HIVEP3: variants seen among roughly 807,000 people sequenced by gnomAD.
HIVEP3 encodes the protein HIVEP zinc finger 3.
A neutral mutation model predicts 152.8 loss-of-function variants in HIVEP3; 49 were observed. That is an observed-to-expected ratio of 0.32 (90% CI 0.26 to 0.41). HIVEP3 has a LOEUF of 0.41. Ranked by LOEUF, HIVEP3 falls within the 10% of genes least tolerant of loss-of-function variation. HIVEP3 has a pLI of 1.00. For missense variants in HIVEP3, 2,790 were observed against 3,103.3 expected (o/e 0.90, Z 2.40); for synonymous variants, 1,269 against 1,289.0 (o/e 0.98, Z 0.33).
intron 1 of HIVEP3, among the ~76,000 whole-genome samples, chr1:41,982,405 G>A (rs1048838839): frequency 1.3e-4 from 20 of 152,148 alleles, no homozygotes; most frequent in African/African-American, 3.6e-4. Context: ...CAGAATACAT[G>A]AGCGCAGCCC....
intron 1 of HIVEP3, among the ~76,000 whole-genome samples, chr1:41,956,282 A>G (rs1002901379): frequency 1.3e-5 from 2 of 152,210 alleles, no homozygotes; most frequent in African/African-American, 4.8e-5. Context: ...CACACTGGAG[A>G]TGGGGCTGTT....
intron 1 of HIVEP3, among the ~76,000 whole-genome samples, chr1:41,781,056 T>G (rs1184257740): frequency 6.6e-6 from 1 of 152,214 alleles, no homozygotes; most frequent in East Asian, 1.9e-4. Flanking sequence ...TAAAATCTCT[T>G]AAAACAAACA....
At chr1:41,555,589 G>A (rs544986285) in intron 5 of HIVEP3, among the ~76,000 whole-genome samples, 2 of 152,276 alleles carry the variant, frequency 1.3e-5, no homozygotes, top group South Asian at 4.1e-4. Context: ...GATCACGCTG[G>A]GAGCTGCAGA....
Position 41,580,895 on chromosome 1 carries a change from T to C in HIVEP3, c.3903A>G (p.Ser1301=), listed in dbSNP as rs551588556. The C allele has an allele frequency of 2.5e-6, 4 of 1,611,738 alleles. No individual in the cohort carries two copies. In the South Asian group the frequency reaches 4.4e-5, roughly 18 times the overall value. Residue 1301 remains serine (S), a synonymous_variant, in exon 4 of 9, where the codon TCA becomes TCG. Transcript: ENST00000372583. ...AGGCAGGCAGGGCCAGTGGAGGAGCTGATGTAGGTGCTGAGGAGCTGGCTG... is the reference window on the plus strand; with the variant it reads ...AGGCAGGCAGGGCCAGTGGAGGAGCCGATGTAGGTGCTGAGGAGCTGGCTG... ...APPASSSAPT[S]APPLALPACP...
intron 2 of HIVEP3, among the ~76,000 whole-genome samples, chr1:41,652,195 A>G (rs977180435): frequency 2.0e-5 from 3 of 152,234 alleles, no homozygotes; most frequent in Non-Finnish European, 4.4e-5. Flanking sequence ...TAGCTAAGCC[A>G]ACCACTTCAT....
intron 1 of HIVEP3, among the ~76,000 whole-genome samples, chr1:41,744,672 C>T (rs968951243): frequency 2.0e-5 from 3 of 152,166 alleles, no homozygotes; most frequent in Middle Eastern, 3.2e-3. Context: ...TGCGGCTAAG[C>T]GTGGTTTTAT....
chr1:41,814,009 C>T (rs1651116347), intron 1 of HIVEP3, among the ~76,000 whole-genome samples: 1 of 152,196 alleles, frequency 6.6e-6, no homozygotes, highest in Non-Finnish European at 1.5e-5. Context: ...TCTCAGCCTC[C>T]TCCCCACCCC....
chr1:41,815,675 T>A (rs1220220995), intron 1 of HIVEP3, among the ~76,000 whole-genome samples: 1 of 151,370 alleles, frequency 6.6e-6, no homozygotes, highest in East Asian at 1.9e-4. Flanking sequence ...TTTATCCTAG[T>A]GGCATGTGGA....
chr1:41,588,619 C>G (rs1644540343), intron 3 of HIVEP3, among the ~76,000 whole-genome samples: 1 of 152,086 alleles, frequency 6.6e-6, no homozygotes. Context: ...CAGTGTCCAG[C>G]CTGCACCTGT....
intron 5 of HIVEP3, among the ~76,000 whole-genome samples, chr1:41,532,055 G>A (rs1643275146): frequency 7.0e-6 from 1 of 142,194 alleles, no homozygotes; most frequent in South Asian, 2.4e-4. Context: ...AGGAGAGATG[G>A]AGGACAGGGG....
intron 1 of HIVEP3, among the ~76,000 whole-genome samples, chr1:41,996,131 C>T (rs1314389405): frequency 6.6e-6 from 1 of 152,010 alleles, no homozygotes; most frequent in Non-Finnish European, 1.5e-5. Context: ...CAGTGGCTCA[C>T]ACCTGTAATC....
chr1:41,817,237 G>A (rs992025472), intron 1 of HIVEP3, among the ~76,000 whole-genome samples: 2 of 152,114 alleles, frequency 1.3e-5, no homozygotes, highest in Non-Finnish European at 2.9e-5. Flanking sequence ...CACATTTTTC[G>A]GCCATGAGAA....
intron 1 of HIVEP3, among the ~76,000 whole-genome samples, chr1:41,805,671 G>C (rs1029217336): frequency 7.2e-5 from 11 of 152,234 alleles, no homozygotes; most frequent in East Asian, 3.9e-4. Context: ...ACGTGACCAA[G>C]AGCTGGAGTC....
intron 5 of HIVEP3, among the ~76,000 whole-genome samples, chr1:41,530,367 C>T (rs967021658): frequency 4.6e-5 from 7 of 152,198 alleles, no homozygotes; most frequent in Non-Finnish European, 8.8e-5. Flanking sequence ...GATGTGACAG[C>T]GGCTCACCCT....
chr1:41,840,415 A>C (rs1351945081), intron 1 of HIVEP3, among the ~76,000 whole-genome samples: 1 of 152,194 alleles, frequency 6.6e-6, no homozygotes, highest in East Asian at 1.9e-4. Context: ...AGCCAAGGTC[A>C]CTAAGGATTG....
intron 1 of HIVEP3, among the ~76,000 whole-genome samples, chr1:41,972,744 T>C (rs1645237408): frequency 6.6e-6 from 1 of 152,210 alleles, no homozygotes; most frequent in Non-Finnish European, 1.5e-5. Context: ...CCAAGCATTC[T>C]GGTTCTTGAC....
Position 41,583,534 on chromosome 1 carries a change from A to C in HIVEP3, c.1264T>G (p.Cys422Gly). The change falls in exon 4 of 9, where the codon TGT (cysteine) becomes GGT (glycine). Residue 422 changes from cysteine to glycine, a missense_variant. Coordinates refer to ENST00000372583, the MANE Select transcript of HIVEP3 (RefSeq NM_024503.5). The surrounding 1 kb of genome is among the most constrained non-coding windows in gnomAD (Gnocchi z 6.9). ...GCGGTCCGCTGTCCTATTCGCCCAC[A>C]CTTGCCAAAGATGATCTCAGCGTAG... Reference protein sequence around the residue: ...KSYAEIIFGKCGRIGQRTAML... With the variant: ...KSYAEIIFGKGGRIGQRTAML... 6.2e-7 allele frequency: 1 copy of C among 1,613,986 alleles called. No individual in the cohort carries two copies. Among genetic ancestry groups the C allele is most frequent in the Non-Finnish European group, 8.5e-7 (1 of 1,179,978 alleles).
intron 1 of HIVEP3, among the ~76,000 whole-genome samples, chr1:41,834,685 C>A (rs1188858474): frequency 6.6e-6 from 1 of 151,976 alleles, no homozygotes; most frequent in Non-Finnish European, 1.5e-5. Flanking sequence ...CAGTGATGGA[C>A]AAAACAGATA....
chr1:41,789,174 T>C (rs1570542789), intron 1 of HIVEP3, among the ~76,000 whole-genome samples: 1 of 152,214 alleles, frequency 6.6e-6, no homozygotes, highest in Middle Eastern at 3.4e-3. Flanking sequence ...CGGAGGTAGG[T>C]GTAGAATTGT....
Sources: gnomAD v4.1 joint callset for allele counts (sites outside exome capture counted in the v4.1 genomes callset) on GRCh38, gnomAD v4.1.1 for gene constraint, Gnocchi (gnomAD v3.1) non-coding constraint, MANE v1.5 for transcripts, NCBI Gene and HGNC (gene_info 2026-07-23, HGNC 2026-07-21) for gene names.